The following AMER1 variants were observed in gnomAD, a reference collection of about 807,000 sequenced individuals.
The protein encoded by AMER1 is RP11-403E24.2.
AMER1 carries 16 observed loss-of-function variants against 53.0 expected under a neutral mutation model. The observed-to-expected ratio is 0.30, with a 90% CI of 0.20 to 0.46. AMER1 has a LOEUF of 0.46. Among genes scored for constraint, AMER1 ranks in the 20% least tolerant of loss-of-function variants. The pLI is 1.00. For synonymous variants in AMER1, 354 were observed against 331.9 expected, an observed-to-expected ratio of 1.07 and a Z score of -0.73; for missense variants, 947 against 884.9, an observed-to-expected ratio of 1.07 and a Z score of -0.89.
chrX:64,186,994 T>C lies in AMER1; in HGVS notation c.*2885A>G. 4 of 776,945 alleles carry C rather than the reference T, an allele frequency of 5.1e-6. No individual in the cohort carries two copies. The highest frequency in any genetic ancestry group is 4.6e-6 in the Non-Finnish European group (3 of 652,558). 64.0% of individuals were successfully genotyped at this position (776,945 alleles called of 1,213,427 possible). On this transcript the variant is annotated 3_prime_UTR_variant, in exon 2 of 2. Coordinates refer to ENST00000374869, the MANE Select transcript of AMER1 (RefSeq NM_152424.4). ...CCCTTAAAATCACATCCAAAAGCAT[T>C]ATTCCAGGACCTTGCAATGGAGACA... is the stretch of plus-strand genomic sequence containing the variant.
rs753039358 is a variant in AMER1, at chrX:64,192,132, T to C, written c.1155A>G (p.Glu385=). 1.5e-5 allele frequency: 18 copies of C among 1,207,497 alleles called. No homozygotes were observed. In the African/African-American group the frequency reaches 2.8e-4, roughly 19 times the overall value. ...CTTCCTCCTCTAATTCCACCTCTTCTTCCTCTTCTTCCTCCTCGTCATCAT... is the reference window on the plus strand; with the variant it reads ...CTTCCTCCTCTAATTCCACCTCTTCCTCCTCTTCTTCCTCCTCGTCATCAT... ...PDDDDEEEEE[E]EEVELEEEEE... is the part of the protein sequence containing the mutation. The change falls in exon 2 of 2, where the codon GAA becomes GAG. Residue 385 remains glutamate (E), a synonymous_variant. Transcript: ENST00000374869.
chrX:64,200,987 G>T (rs752889852), intron 1 of AMER1, among the ~76,000 whole-genome samples: 2 of 111,364 alleles, frequency 1.8e-5, no homozygotes, highest in African/African-American at 6.6e-5. Context: ...GGGATGGAGG[G>T]TTAGTATCCA....
rs1295086973 is a variant in AMER1 at position 64,191,445 on chromosome X, G to T, written c.1842C>A (p.His614Gln). 1.7e-6 allele frequency: 2 copies of T among 1,210,350 alleles called. No individual in the cohort carries two copies. The highest frequency in any genetic ancestry group is 3.0e-5 in the East Asian group (1 of 33,715). Residue 614 changes from histidine to glutamine, a missense_variant, in exon 2 of 2, where the codon CAC (histidine) becomes CAA (glutamine). Transcript: ENST00000374869. ...YGREAYAREA[H>Q]TWEAHGREAR... is the part of the protein sequence containing the mutation. ...CCTCCCTGCCATGAGCTTCCCAAGT[G>T]TGGGCCTCCCTGGCATAGGCTTCCC...
Position 64,189,596 on chromosome X carries a change from A to G in AMER1, c.*283T>C, listed in dbSNP as rs1930194290. 1 of 845,111 alleles carries G rather than the reference A, an allele frequency of 1.2e-6. No individual in the cohort carries two copies. Among genetic ancestry groups the G allele is most frequent in the African/African-American group, 2.2e-5 (1 of 44,969 alleles). 69.6% of individuals were successfully genotyped at this position (845,111 alleles called of 1,213,427 possible). A position where few individuals can be genotyped will look rare whatever the true frequency, so the allele number is the denominator to read the frequency against. ...GCAACTGGAATAGGCACAAAATTAC[A>G]GCATCCCAAACCCAGCGTGGGTCAC... On this transcript the variant is annotated 3_prime_UTR_variant, in exon 2 of 2. Coordinates refer to ENST00000374869, the MANE Select transcript of AMER1 (RefSeq NM_152424.4).
Position 64,188,817 on chromosome X carries a change from CTA to C in AMER1, c.*1060_*1061del. On this transcript the variant is annotated 3_prime_UTR_variant, in exon 2 of 2. Transcript: ENST00000374869. ...CTACACTCCACAAAAACCCCAGCCC[CTA>C]TAGTCAAGCCTAATTTAGGTTGCTT... 1.2e-6 allele frequency: 1 copy of C among 806,539 alleles called. No individual in the cohort carries two copies. Among genetic ancestry groups the C allele is most frequent in the Non-Finnish European group, 1.5e-6 (1 of 671,435 alleles). 66.5% of individuals were successfully genotyped at this position (806,539 alleles called of 1,213,427 possible). A position where few individuals can be genotyped will look rare whatever the true frequency, so the allele number is the denominator to read the frequency against.
rs919071168 is a variant in AMER1 at position 64,186,919 on chromosome X, G to A, written c.*2960C>T. ...CAGGATCACAGCTGTCTGGCACTAG[G>A]CCTATTGGGTAATAAGATGAAGGCA... On this transcript the variant is annotated 3_prime_UTR_variant, in exon 2 of 2. Coordinates refer to ENST00000374869, the MANE Select transcript of AMER1 (RefSeq NM_152424.4). 1 of 772,626 alleles carries A rather than the reference G, an allele frequency of 1.3e-6. No homozygotes were observed. Among genetic ancestry groups the A allele is most frequent in the African/African-American group, 2.3e-5 (1 of 43,913 alleles). 63.7% of individuals were successfully genotyped at this position (772,626 alleles called of 1,213,427 possible). A position where few individuals can be genotyped will look rare whatever the true frequency, so the allele number is the denominator to read the frequency against.
At position 64,189,765 on chromosome X, in the gene AMER1, G is replaced by A; in HGVS notation, c.*114C>T. ...TGAAAACTCACAGGAGTTTTCCTTG[G>A]CCCAAAGGGTTTTCAAGTTAAACAA... On this transcript the variant is annotated 3_prime_UTR_variant, in exon 2 of 2. Coordinates refer to ENST00000374869, the MANE Select transcript of AMER1 (RefSeq NM_152424.4). 2.7e-6 allele frequency: 3 copies of A among 1,127,948 alleles called. No individual in the cohort carries two copies. The Admixed American group carries it at 8.2e-5, about 31-fold the overall frequency. 93.0% of individuals were successfully genotyped at this position (1,127,948 alleles called of 1,213,427 possible).
intron 1 of AMER1, 69 bp from the exon 2 acceptor site, chrX:64,193,453 C>T (rs1015433304): frequency 5.4e-6 from 4 of 735,988 alleles, no homozygotes; most frequent in Non-Finnish European, 8.0e-6. Context: ...GCTGGGTTTG[C>T]TTTCACCGGA....
At position 64,191,374 on chromosome X, in the gene AMER1, G is replaced by A; in HGVS notation, c.1913C>T (p.Thr638Ile). 1 of 1,211,866 alleles carries A rather than the reference G, an allele frequency of 8.3e-7. No individual in the cohort carries two copies. The highest frequency in any genetic ancestry group is 1.8e-5 in the South Asian group (1 of 56,936). Residue 638 changes from threonine to isoleucine, a missense_variant, in exon 2 of 2, where the codon ACT becomes ATT. Thr to Ile is a moderately conservative substitution (Grantham distance 89). Transcript: ENST00000374869. ...CCGGGCCTGGGTCTCTCGGACTTGA[G>A]TCTCTCTACAACGAACCTCTCGGGC... ...AQAREVRCRE[T>I]QVRETQARQE... is the part of the protein sequence containing the mutation.
In AMER1 at chrX:64,191,488, G is replaced by C. The variant is rs779133193; in HGVS notation, c.1799C>G (p.Thr600Ser). Residue 600 changes from threonine to serine, a missense_variant, in exon 2 of 2, where the codon ACT (threonine) becomes AGT (serine). By Grantham distance (58) the Thr-to-Ser change is moderately conservative. Coordinates refer to ENST00000374869, the MANE Select transcript of AMER1 (RefSeq NM_152424.4). ...GGCTTCCCTGCCATAAGCCTCTCGA[G>C]TATAGGCCTCCCTGGCGTGGGCCTC... The part of the protein sequence containing the change: ...AREAHAREAY[T>S]REAYGREAYA... The C allele has an allele frequency of 3.4e-5, 41 of 1,210,484 alleles. No individual in the cohort carries two copies. Among genetic ancestry groups the C allele is most frequent in the Non-Finnish European group, 4.2e-5 (38 of 895,258 alleles).
In AMER1 at chrX:64,186,281, C is replaced by A. The variant is rs1445990411; in HGVS notation, c.*3598G>T. ...GCAGTTGAGATGCCAGCCCTCTGCA[C>A]AAGCAGCAGCAATTTTTGTGTCATC... is the stretch of plus-strand genomic sequence containing the variant. On this transcript the variant is annotated 3_prime_UTR_variant, in exon 2 of 2. Transcript: ENST00000374869. 5.7e-6 allele frequency: 6 copies of A among 1,052,727 alleles called. No homozygotes were observed. Among genetic ancestry groups the A allele is most frequent in the Non-Finnish European group, 7.4e-6 (6 of 812,444 alleles). 86.8% of individuals were successfully genotyped at this position (1,052,727 alleles called of 1,213,427 possible). A position where few individuals can be genotyped will look rare whatever the true frequency, so the allele number is the denominator to read the frequency against.
At position 64,191,338 on chromosome X, in the gene AMER1, G is replaced by T. The variant is rs1401714549; in HGVS notation, c.1949C>A (p.Pro650His). Residue 650 changes from proline to histidine, a missense_variant, in exon 2 of 2, where the codon CCC (proline) becomes CAC (histidine). By Grantham distance (77) the Pro-to-His change is moderately conservative. Coordinates refer to ENST00000374869, the MANE Select transcript of AMER1 (RefSeq NM_152424.4). ...GGGCCTCATCTGATACTCTAAGACG[G>T]GCTTCTCCTGCCGGGCCTGGGTCTC... is the stretch of plus-strand genomic sequence containing the variant. ...VRETQARQEK[P>H]VLEYQMRPLG... 1 of 1,211,549 alleles carries T rather than the reference G, an allele frequency of 8.3e-7. No homozygotes were observed. Among genetic ancestry groups the T allele is most frequent in the Admixed American group, 2.2e-5 (1 of 46,079 alleles).
chrX:64,202,520 C>A (rs1245236119), intron 1 of AMER1, among the ~76,000 whole-genome samples: 6 of 111,767 alleles, frequency 5.4e-5, no homozygotes, highest in African/African-American at 2.0e-4. Context: ...CATCTGTAAG[C>A]ATAGCAGTTC....
At chrX:64,198,456 C>T (rs1037656119) in intron 1 of AMER1, among the ~76,000 whole-genome samples, 1 of 111,559 alleles carries the variant, frequency 9.0e-6, no homozygotes, top group Non-Finnish European at 1.9e-5. Context: ...AAAGACTTGT[C>T]CAAGGTCACA....
rs1930105311 is a variant in AMER1 at position 64,186,236 on chromosome X, G to T, written c.*3643C>A. 1 of 1,175,791 alleles carries T rather than the reference G, an allele frequency of 8.5e-7. No homozygotes were observed. Among genetic ancestry groups the T allele is most frequent in the Non-Finnish European group, 1.1e-6 (1 of 872,939 alleles). On this transcript the variant is annotated 3_prime_UTR_variant, in exon 2 of 2. Coordinates refer to ENST00000374869, the MANE Select transcript of AMER1 (RefSeq NM_152424.4). ...GTGGTACAGCTAAGGTAGGGAGAGG[G>T]GAAAGAGGGAGGGCCCTAGGCAGTT... is the stretch of plus-strand genomic sequence containing the variant.
rs1028056214 is a variant in AMER1, at chrX:64,193,478, G to A, written c.-98-94C>T. On this transcript the variant is annotated intron_variant, in intron 1 of 1. Coordinates refer to ENST00000374869, the MANE Select transcript of AMER1 (RefSeq NM_152424.4). ...CTTTCACCGGACGTCAGGCTTGAGT[G>A]GAACAAGAAAGAAAATGATGGAAAA... is the stretch of plus-strand genomic sequence containing the variant. 6 of 555,283 alleles carry A rather than the reference G, an allele frequency of 1.1e-5. No individual in the cohort carries two copies. The African/African-American group carries it at 1.4e-4, about 13-fold the overall frequency. The allele number at this position is 555,283 out of a possible 1,213,427, so 45.8% of individuals were successfully genotyped here.
intron 1 of AMER1, among the ~76,000 whole-genome samples, chrX:64,201,104 T>C (rs1371054769): frequency 9.0e-6 from 1 of 111,160 alleles, no homozygotes; most frequent in Non-Finnish European, 1.9e-5. Flanking sequence ...GCAGCACCAG[T>C]ATGCCTGCCT....
At position 64,191,090 on chromosome X, in the gene AMER1, G is replaced by C. The variant is rs1391706502; in HGVS notation, c.2197C>G (p.Gln733Glu). The C allele has an allele frequency of 8.3e-7, 1 of 1,212,038 alleles. No homozygotes were observed. Among genetic ancestry groups the C allele is most frequent in the Non-Finnish European group, 1.1e-6 (1 of 895,603 alleles). Residue 733 changes from glutamine to glutamate, a missense_variant, in exon 2 of 2, where the codon CAA becomes GAA. Coordinates refer to ENST00000374869, the MANE Select transcript of AMER1 (RefSeq NM_152424.4). ...GGAGATCCTCCAAAATTTGCTTCTT[G>C]CATGTCTGGCTCAAACATGGCATCA... The part of the protein sequence containing the change: ...QSDAMFEPDM[Q>E]EANFGGSPRR...
intron 1 of AMER1, among the ~76,000 whole-genome samples, chrX:64,194,534 G>GAGGTCACTAAA (rs1930326829): frequency 9.0e-6 from 1 of 111,648 alleles, no homozygotes; most frequent in Non-Finnish European, 1.9e-5. Flanking sequence ...TCAGTGACCA[G>GAGGTCACTAAA]CCTGCTAAAA....
Sources: allele counts gnomAD v4.1 joint callset (sites outside exome capture counted in the v4.1 genomes callset), GRCh38; gene constraint gnomAD v4.1.1; transcripts MANE v1.5; gene names NCBI Gene and HGNC (gene_info 2026-07-23, HGNC 2026-07-21).